TRIM44: variants seen among roughly 807,000 people sequenced by gnomAD.
The protein encoded by TRIM44 is tripartite motif containing 44.
TRIM44 carries 13 observed loss-of-function variants against 37.4 expected under a neutral mutation model. The observed-to-expected ratio is 0.35, with a 90% CI of 0.23 to 0.55. The LOEUF (loss-of-function observed/expected upper bound fraction) is 0.55, where lower values mean the gene tolerates loss of function less well. Among genes scored for constraint, TRIM44 ranks in the 20% least tolerant of loss-of-function variants. TRIM44 has a pLI of 0.89. For missense variants in TRIM44, 426 were observed against 437.2 expected (o/e 0.97, Z 0.23); for synonymous variants, 175 against 157.2 (o/e 1.11, Z -0.85).
intron 2 of TRIM44, among the ~76,000 whole-genome samples, chr11:35,704,483 A>G (rs1851844601): frequency 6.6e-6 from 1 of 152,216 alleles, no homozygotes; most frequent in South Asian, 2.1e-4. Flanking sequence ...GTTGAAATGA[A>G]GGACAAAATG....
At position 35,663,206 on chromosome 11, in the gene TRIM44, T is replaced by A. The variant is rs1851291850; in HGVS notation, c.95T>A (p.Val32Glu). The A allele has an allele frequency of 1.9e-6, 3 of 1,600,526 alleles. No individual in the cohort carries two copies. In the East Asian group the frequency reaches 6.7e-5, roughly 36 times the overall value. Residue 32 changes from valine to glutamate, a missense_variant, in exon 1 of 5, where the codon GTG becomes GAG. Around this residue, in one of 2 missense-constraint regions of TRIM44, gnomAD observed 331 missense variants for 303.0 expected, o/e 1.09. Transcript: ENST00000299413. ...EPDEAPGAEE[V>E]CRECGFCYCR... Reference sequence around the variant, plus strand: ...GACGAGGCTCCGGGGGCCGAGGAAGTGTGCCGAGAATGCGGCTTCTGCTAC... The same window carrying A: ...GACGAGGCTCCGGGGGCCGAGGAAGAGTGCCGAGAATGCGGCTTCTGCTAC...
At chr11:35,727,075 T>C (rs940126709) in intron 3 of TRIM44, among the ~76,000 whole-genome samples, 10 of 151,938 alleles carry the variant, frequency 6.6e-5, no homozygotes, top group Non-Finnish European at 1.5e-5. Context: ...GGAAGATTAC[T>C]TGAGCCCCGG....
At chr11:35,784,565 A>G (rs1341874470) in intron 4 of TRIM44, among the ~76,000 whole-genome samples, 1 of 152,252 alleles carries the variant, frequency 6.6e-6, no homozygotes, top group Non-Finnish European at 1.5e-5. Context: ...CAAAGAAGGA[A>G]TAGTGATTGC....
chr11:35,666,737 C>G (rs996181350), intron 1 of TRIM44, among the ~76,000 whole-genome samples: 4 of 152,032 alleles, frequency 2.6e-5, no homozygotes, highest in Admixed American at 6.6e-5. Flanking sequence ...CCAGCCTGGT[C>G]GACACGGCAA....
chr11:35,705,089 A>C (rs1306586760), intron 2 of TRIM44, among the ~76,000 whole-genome samples: 5 of 148,832 alleles, frequency 3.4e-5, no homozygotes, highest in African/African-American at 1.3e-4. Flanking sequence ...AATGGAAAAC[A>C]AAAAAAGGCA....
At chr11:35,703,447 A>G (rs547081665) in intron 2 of TRIM44, among the ~76,000 whole-genome samples, 1 of 152,252 alleles carries the variant, frequency 6.6e-6, no homozygotes, top group Non-Finnish European at 1.5e-5. Flanking sequence ...GAGAATGGGC[A>G]GACTGCCTCC....
At chr11:35,751,052 G>C (rs996275812) in intron 4 of TRIM44, among the ~76,000 whole-genome samples, 1 of 151,798 alleles carries the variant, frequency 6.6e-6, no homozygotes, top group Non-Finnish European at 1.5e-5. Flanking sequence ...TAATAACAAC[G>C]CAGTGGTACC....
At chr11:35,693,011 CCCCCAGAATCA>C (rs1265089178) in intron 2 of TRIM44, among the ~76,000 whole-genome samples, 1 of 152,008 alleles carries the variant, frequency 6.6e-6, no homozygotes, top group Non-Finnish European at 1.5e-5. Context: ...GTTGGGCAGC[CCCCCAGAATCA>C]CAGCAGATTC....
At position 35,814,276 on chromosome 11, in the gene TRIM44, G is replaced by A. The variant is rs932192274; in HGVS notation, c.*7891G>A. ...ATGTAGATATAATACCAGCGTGACAGCTTGTGGTTGGTGGTTTCTAGAAGA... is the reference window on the plus strand; with the variant it reads ...ATGTAGATATAATACCAGCGTGACAACTTGTGGTTGGTGGTTTCTAGAAGA... On this transcript the variant is annotated 3_prime_UTR_variant, in exon 5 of 5. Coordinates refer to ENST00000299413, the MANE Select transcript of TRIM44 (RefSeq NM_017583.6). The A allele has an allele frequency of 3.9e-5, 6 of 152,208 alleles. No homozygotes were observed. The East Asian group carries it at 7.7e-4, about 20-fold the overall frequency. The allele number at this position is 152,208 out of a possible 1,614,324, so 9.4% of individuals were successfully genotyped here.
At chr11:35,775,056 G>A (rs1367785754) in intron 4 of TRIM44, among the ~76,000 whole-genome samples, 1 of 152,128 alleles carries the variant, frequency 6.6e-6, no homozygotes, top group Admixed American at 6.5e-5. Context: ...AAATTACCTT[G>A]GGCAGTATGG....
chr11:35,691,020 T>C (rs575868017), intron 2 of TRIM44, among the ~76,000 whole-genome samples: 2 of 152,332 alleles, frequency 1.3e-5, no homozygotes, highest in Admixed American at 1.3e-4. Flanking sequence ...ACTCTTCTTC[T>C]ACCTCCCTTT....
intron 4 of TRIM44, among the ~76,000 whole-genome samples, chr11:35,753,117 C>G (rs1013505709): frequency 1.3e-5 from 2 of 152,062 alleles, no homozygotes; most frequent in African/African-American, 4.8e-5. Flanking sequence ...CTCAGTCTGT[C>G]ACTTTGTGTA....
intron 2 of TRIM44, among the ~76,000 whole-genome samples, chr11:35,695,514 A>G (rs1851686263): frequency 6.6e-6 from 1 of 152,138 alleles, no homozygotes; most frequent in Admixed American, 6.6e-5. Flanking sequence ...AGTTCCAGGA[A>G]TTCTTACCCA....
intron 1 of TRIM44, among the ~76,000 whole-genome samples, chr11:35,666,083 G>A (rs539776966): frequency 4.6e-5 from 7 of 152,200 alleles, no homozygotes; most frequent in Admixed American, 1.3e-4. Context: ...TTGTGTAGTA[G>A]AAGTAGGGGC....
At position 35,809,983 on chromosome 11, in the gene TRIM44, G is replaced by A. The variant is rs774046608; in HGVS notation, c.*3598G>A. On this transcript the variant is annotated 3_prime_UTR_variant, in exon 5 of 5. Coordinates refer to ENST00000299413, the MANE Select transcript of TRIM44 (RefSeq NM_017583.6). ...AGATTTCTGTCAGCCCTAATTACAA[G>A]TGTCACCATATAGTTGGGGCTTAGG... 1.2e-4 allele frequency: 19 copies of A among 152,158 alleles called. No homozygotes were observed. Among genetic ancestry groups the A allele is most frequent in the Non-Finnish European group, 2.6e-4 (18 of 68,034 alleles). 9.4% of individuals were successfully genotyped at this position (152,158 alleles called of 1,614,324 possible).
intron 2 of TRIM44, among the ~76,000 whole-genome samples, chr11:35,721,384 C>T (rs960124083): frequency 6.6e-6 from 1 of 152,206 alleles, no homozygotes; most frequent in African/African-American, 2.4e-5. Context: ...GATAACCACT[C>T]TCCAACATTT....
chr11:35,693,034 G>A (rs1223873559), intron 2 of TRIM44, among the ~76,000 whole-genome samples: 1 of 152,120 alleles, frequency 6.6e-6, no homozygotes, highest in Non-Finnish European at 1.5e-5. Flanking sequence ...AGCAGATTCA[G>A]AGAGACTCCA....
Position 35,809,988 on chromosome 11 carries a change from A to G in TRIM44, c.*3603A>G, listed in dbSNP as rs1275101246. ...TCTGTCAGCCCTAATTACAAGTGTCACCATATAGTTGGGGCTTAGGTACTT... is the reference window on the plus strand; with the variant it reads ...TCTGTCAGCCCTAATTACAAGTGTCGCCATATAGTTGGGGCTTAGGTACTT... On this transcript the variant is annotated 3_prime_UTR_variant, in exon 5 of 5. Coordinates refer to ENST00000299413, the MANE Select transcript of TRIM44 (RefSeq NM_017583.6). The G allele has an allele frequency of 6.6e-6, 1 of 152,170 alleles. No homozygotes were observed. 9.4% of individuals were successfully genotyped at this position (152,170 alleles called of 1,614,324 possible).
At chr11:35,670,676 A>G (rs1251631853) in intron 1 of TRIM44, among the ~76,000 whole-genome samples, 11 of 152,100 alleles carry the variant, frequency 7.2e-5, no homozygotes, top group Non-Finnish European at 1.2e-4. Context: ...TAGAATGTCA[A>G]TTTGGTTATT....
Sources: allele counts gnomAD v4.1 joint callset (sites outside exome capture counted in the v4.1 genomes callset), GRCh38; gene constraint gnomAD v4.1.1; regional missense constraint gnomAD v4.1.1; transcripts MANE v1.5; gene names NCBI Gene and HGNC (gene_info 2026-07-23, HGNC 2026-07-21).